Variants in MTX2 observed in about 807,000 individuals in gnomAD.
MTX2 encodes metaxin-2.
A neutral mutation model predicts 42.3 loss-of-function variants in MTX2; 35 were observed. That is an observed-to-expected ratio of 0.83 (90% CI 0.63 to 1.10). The LOEUF (loss-of-function observed/expected upper bound fraction) is 1.10. MTX2 is among the 50% of genes least tolerant of loss of function. MTX2 has a pLI of 0.00. For missense variants in MTX2, 307 were observed against 304.1 expected (o/e 1.01, Z -0.07); for synonymous variants, 119 against 100.9 (o/e 1.18, Z -1.08).
chr2:176,318,873 C>A (rs1684508307), intron 3 of MTX2, among the ~76,000 whole-genome samples: 1 of 152,154 alleles, frequency 6.6e-6, no homozygotes, highest in African/African-American at 2.4e-5. Flanking sequence ...TCAATAAATA[C>A]AGTAGCCACT....
intron 3 of MTX2, among the ~76,000 whole-genome samples, chr2:176,320,243 G>A (rs1684546807): frequency 6.6e-6 from 1 of 151,074 alleles, no homozygotes; most frequent in African/African-American, 2.4e-5. Flanking sequence ...GTGAAATTGT[G>A]TCTCAAAAAA....
chr2:176,299,891 A>T (rs1280774345), intron 3 of MTX2, among the ~76,000 whole-genome samples: 1 of 152,034 alleles, frequency 6.6e-6, no homozygotes, highest in Non-Finnish European at 1.5e-5. Context: ...TTTAAATTTT[A>T]CTTAACACAT....
intron 8 of MTX2, among the ~76,000 whole-genome samples, chr2:176,329,966 ACTTAT>A (rs1684818329): frequency 1.3e-5 from 2 of 151,030 alleles, no homozygotes; most frequent in Non-Finnish European, 3.0e-5. Flanking sequence ...ACTTAAAAAT[ACTTAT>A]CTTGTCCACA....
intron 3 of MTX2, among the ~76,000 whole-genome samples, chr2:176,316,345 G>A (rs1249031158): frequency 6.6e-6 from 1 of 152,124 alleles, no homozygotes; most frequent in Admixed American, 6.5e-5. Context: ...GGAATTTAGT[G>A]TAAGAAATCC....
At chr2:176,311,619 C>T (rs1228110712) in intron 3 of MTX2, among the ~76,000 whole-genome samples, 2 of 152,344 alleles carry the variant, frequency 1.3e-5, no homozygotes, top group African/African-American at 4.8e-5. Flanking sequence ...GAGGACACCC[C>T]TCCTCCAGCC....
intron 9 of MTX2, among the ~76,000 whole-genome samples, chr2:176,336,762 G>A (rs1487266622): frequency 6.6e-6 from 1 of 151,976 alleles, no homozygotes; most frequent in Admixed American, 6.6e-5. Flanking sequence ...CCATATAGCA[G>A]AAACTCCAAG....
chr2:176,305,433 T>C (rs1684117908), intron 3 of MTX2, among the ~76,000 whole-genome samples: 1 of 152,094 alleles, frequency 6.6e-6, no homozygotes, highest in Non-Finnish European at 1.5e-5. Context: ...GTTAGGTTAT[T>C]GGGTTACAAG....
chr2:176,326,052 G>A (rs1195565022), intron 4 of MTX2, among the ~76,000 whole-genome samples: 3 of 151,660 alleles, frequency 2.0e-5, no homozygotes, highest in African/African-American at 7.3e-5. Flanking sequence ...GTGACAGCAG[G>A]TTTCATTCTT....
chr2:176,286,395 A>C (rs1229900425), intron 1 of MTX2, among the ~76,000 whole-genome samples: 2 of 152,090 alleles, frequency 1.3e-5, no homozygotes, highest in African/African-American at 2.4e-5. Flanking sequence ...TTTGGGCTCC[A>C]GCTTTGGTTG....
In MTX2 at chr2:176,269,451, C is replaced by A; in HGVS notation, c.-179C>A. 1.6e-6 allele frequency: 1 copy of A among 640,872 alleles called. No homozygotes were observed. Among genetic ancestry groups the A allele is most frequent in the Non-Finnish European group, 2.5e-6 (1 of 406,220 alleles). 39.7% of individuals were successfully genotyped at this position (640,872 alleles called of 1,614,324 possible). On this transcript the variant is annotated 5_prime_UTR_variant, in exon 1 of 10. Transcript: ENST00000249442. Reference sequence around the variant, plus strand: ...GTCGGCTGCGCCGGAAGTCCCTAGCCAGGCCTGGCGGTAACCTTGGGGGCC... The same window carrying A: ...GTCGGCTGCGCCGGAAGTCCCTAGCAAGGCCTGGCGGTAACCTTGGGGGCC...
chr2:176,337,535 C>T lies in MTX2; in HGVS notation c.663C>T (p.Thr221=), dbSNP rs751315900. The part of the protein sequence containing the change: ...LDALVFGHLY[T]ILTTQLTNDE... ...CACTGGTATTTGGCCATCTATACAC[C>T]ATTCTTACCACACAATTGACAAATG... Residue 221 remains threonine, a synonymous_variant, in exon 10 of 10, where the codon ACC becomes ACT. Coordinates refer to ENST00000249442, the MANE Select transcript of MTX2 (RefSeq NM_006554.5). The T allele has an allele frequency of 3.7e-6, 6 of 1,612,460 alleles. No individual in the cohort carries two copies. Among genetic ancestry groups the T allele is most frequent in the Non-Finnish European group, 5.1e-6 (6 of 1,179,116 alleles).
chr2:176,327,321 A>G (rs1684731462), intron 5 of MTX2, among the ~76,000 whole-genome samples: 1 of 151,068 alleles, frequency 6.6e-6, no homozygotes, highest in Non-Finnish European at 1.5e-5. Context: ...CTTTTCATTT[A>G]TTCAGTTTAG....
chr2:176,334,714 A>G (rs149714549), intron 9 of MTX2, among the ~76,000 whole-genome samples: 10 of 152,124 alleles, frequency 6.6e-5, no homozygotes, highest in African/African-American at 2.4e-4. Context: ...TATTCCACAC[A>G]TCTTAGGATG....
Position 176,269,469 on chromosome 2 carries a change from T to C in MTX2, c.-161T>C, listed in dbSNP as rs562506778. 9.4e-6 allele frequency: 7 copies of C among 741,992 alleles called. No individual in the cohort carries two copies. The highest frequency in any genetic ancestry group is 1.2e-5 in the Non-Finnish European group (6 of 487,834). The allele number at this position is 741,992 out of a possible 1,614,324, so 46.0% of individuals were successfully genotyped here. On this transcript the variant is annotated 5_prime_UTR_variant, in exon 1 of 10. Transcript: ENST00000249442. The stretch of plus-strand genomic sequence containing the variant: ...CCCTAGCCAGGCCTGGCGGTAACCT[T>C]GGGGGCCTCACTGCAGCCGCCGCTG...
chr2:176,328,739 A>T, intron 6 of MTX2, 135 bp from the exon 7 acceptor site: 2 of 699,906 alleles, frequency 2.9e-6, no homozygotes, highest in South Asian at 4.1e-5. Flanking sequence ...TGTGGATAGC[A>T]GCTAAGAAAA....
chr2:176,319,323 C>T (rs1309885433), intron 3 of MTX2, among the ~76,000 whole-genome samples: 1 of 152,164 alleles, frequency 6.6e-6, no homozygotes, highest in Non-Finnish European at 1.5e-5. Flanking sequence ...GACAGTGAGC[C>T]TCTCCAGTGT....
intron 9 of MTX2, among the ~76,000 whole-genome samples, chr2:176,335,724 A>G (rs1348968071): frequency 6.6e-6 from 1 of 152,002 alleles, no homozygotes; most frequent in African/African-American, 2.4e-5. Flanking sequence ...GGTGCCTTTT[A>G]TTTTGGGAAG....
At chr2:176,285,777 A>C (rs1445959285) in intron 1 of MTX2, among the ~76,000 whole-genome samples, 1 of 152,076 alleles carries the variant, frequency 6.6e-6, no homozygotes, top group Non-Finnish European at 1.5e-5. Context: ...ATGTCTGTCC[A>C]TTCACCAGTT....
chr2:176,309,517 G>C (rs1008587881), intron 3 of MTX2, among the ~76,000 whole-genome samples: 5 of 152,062 alleles, frequency 3.3e-5, no homozygotes, highest in Non-Finnish European at 7.4e-5. Flanking sequence ...TTATTATTGT[G>C]TGGGAGTCTA....
Sources: allele counts gnomAD v4.1 joint callset (sites outside exome capture counted in the v4.1 genomes callset), GRCh38; gene constraint gnomAD v4.1.1; transcripts MANE v1.5; gene names NCBI Gene and HGNC (gene_info 2026-07-23, HGNC 2026-07-21).